PNKD: variants seen among roughly 807,000 people sequenced by gnomAD.
PNKD encodes PNKD metallo-beta-lactamase domain containing.
A neutral mutation model predicts 45.3 loss-of-function variants in PNKD; 36 were observed. The observed-to-expected ratio is 0.80, with a 90% CI of 0.61 to 1.05. The LOEUF (loss-of-function observed/expected upper bound fraction) is 1.05, where lower values mean the gene tolerates loss of function less well. Among genes scored for constraint, PNKD ranks in the 50% least tolerant of loss-of-function variants. The probability of loss-of-function intolerance (pLI) is 0.00; values close to 1 mark genes in which losing one functional copy is unlikely to be tolerated. For synonymous variants in PNKD, 197 were observed against 210.1 expected (o/e 0.94, Z 0.54); for missense variants, 511 against 506.6 (o/e 1.01, Z -0.08).
intron 2 of PNKD, among the ~76,000 whole-genome samples, chr2:218,302,460 G>A (rs780294920): frequency 5.3e-5 from 8 of 152,210 alleles, no homozygotes; most frequent in Non-Finnish European, 1.0e-4. Context: ...CAATGGTGCT[G>A]TGACCCTTCT....
intron 2 of PNKD, among the ~76,000 whole-genome samples, chr2:218,305,952 C>T (rs1175912543): frequency 6.6e-6 from 1 of 152,218 alleles, no homozygotes; most frequent in East Asian, 1.9e-4. Flanking sequence ...AGCTGCCAGA[C>T]TCCCTAGATT....
intron 7 of PNKD, 113 bp downstream of exon 7, chr2:218,342,257 T>A: frequency 1.2e-6 from 1 of 851,096 alleles, no homozygotes; most frequent in Non-Finnish European, 1.9e-6. Flanking sequence ...GATGTTGCCG[T>A]GGCAGTTACT....
intron 2 of PNKD, among the ~76,000 whole-genome samples, chr2:218,311,191 C>T (rs995566242): frequency 7.7e-4 from 117 of 152,316 alleles, no homozygotes; most frequent in African/African-American, 2.7e-3. Flanking sequence ...ATCTAATCAG[C>T]TGTGTGACCT....
intron 2 of PNKD, among the ~76,000 whole-genome samples, chr2:218,318,882 CA>C (rs1693892559): frequency 6.7e-6 from 1 of 148,686 alleles, no homozygotes; most frequent in Non-Finnish European, 1.5e-5. Flanking sequence ...GAGGGAGTAA[CA>C]TTTTTTCTTT....
intron 2 of PNKD, among the ~76,000 whole-genome samples, chr2:218,320,957 C>G (rs1693970370): frequency 6.6e-6 from 1 of 152,168 alleles, no homozygotes; most frequent in Admixed American, 6.5e-5. Context: ...GTTATGGCTC[C>G]CTGGGCCTGC....
In PNKD at chr2:218,340,033, G is replaced by A. The variant is rs1303377436; in HGVS notation, c.357G>A (p.Val119=). ...SKTQPRLFNG[V]KVLPIPVLSD... is the part of the protein sequence containing the mutation. ...ACAGCCCATCTCTGTCCCCAGGAGTGAAGGTGCTTCCCATCCCTGTCCTCT... is the reference window on the plus strand; with the variant it reads ...ACAGCCCATCTCTGTCCCCAGGAGTAAAGGTGCTTCCCATCCCTGTCCTCT... The change falls in exon 4 of 10, where the codon GTG becomes GTA. Residue 119 remains valine, a synonymous_variant. Coordinates refer to ENST00000273077, the MANE Select transcript of PNKD (RefSeq NM_015488.5). The surrounding 1 kb of genome is among the most constrained non-coding windows in gnomAD (Gnocchi z 4.2). The A allele has an allele frequency of 3.1e-6, 5 of 1,608,410 alleles. No individual in the cohort carries two copies. Among genetic ancestry groups the A allele is most frequent in the Non-Finnish European group, 4.3e-6 (5 of 1,175,006 alleles).
At chr2:218,334,655 A>C (rs934845794) in intron 2 of PNKD, 2 of 701,224 alleles carry the variant, frequency 2.9e-6, no homozygotes, top group African/African-American at 1.7e-5. Context: ...ACCCAAAAAA[A>C]GAATTATAGA....
chr2:218,299,431 C>T (rs531727096), intron 2 of PNKD, among the ~76,000 whole-genome samples: 48 of 151,914 alleles, frequency 3.2e-4, no homozygotes, highest in African/African-American at 1.0e-3. Context: ...CGTGAGCCAC[C>T]GCACCCGACC....
In PNKD at chr2:218,303,919, T is replaced by C. The variant is rs535911540; in HGVS notation, c.236+32370T>C. Among the ~76,000 whole-genome samples the C allele has an allele frequency of 2.6e-5, 4 of 152,122 alleles. No homozygotes were observed. The East Asian group carries it at 7.8e-4, about 30-fold the overall frequency. ...TCATTTGGCTGGTTTCCGTTTGCTC[T>C]CCACATCCCCCTCCGTCTTCTCCAC... On this transcript the variant is annotated intron_variant, in intron 2 of 9. Coordinates refer to ENST00000273077, the MANE Select transcript of PNKD (RefSeq NM_015488.5).
At chr2:218,332,790 G>A (rs1396423807) in intron 2 of PNKD, among the ~76,000 whole-genome samples, 4 of 151,980 alleles carry the variant, frequency 2.6e-5, no homozygotes, top group Admixed American at 2.0e-4. Context: ...CTCTCAGAAA[G>A]GGAGTCTGAT....
At chr2:218,280,565 C>G (rs1401452359) in intron 2 of PNKD, 2 of 228,760 alleles carry the variant, frequency 8.7e-6, no homozygotes, top group Non-Finnish European at 1.8e-5. Context: ...TCTGCATCAG[C>G]CTCACAGAGG....
chr2:218,309,020 A>G (rs1693512357), intron 2 of PNKD, among the ~76,000 whole-genome samples: 1 of 152,066 alleles, frequency 6.6e-6, no homozygotes, highest in South Asian at 2.1e-4. Flanking sequence ...CTTGACCTCC[A>G]GGATCAAGAG....
At chr2:218,285,404 T>C (rs1410546637) in intron 2 of PNKD, among the ~76,000 whole-genome samples, 2 of 152,154 alleles carry the variant, frequency 1.3e-5, no homozygotes, top group East Asian at 1.9e-4. Context: ...ATAGCTTCCA[T>C]CTAAAACCCT....
intron 2 of PNKD, among the ~76,000 whole-genome samples, chr2:218,330,531 G>A (rs1013645909): frequency 1.3e-5 from 2 of 152,226 alleles, no homozygotes; most frequent in Non-Finnish European, 2.9e-5. Flanking sequence ...TGCTGGTGCT[G>A]TCTGCAGCTG....
At chr2:218,278,584 G>A (rs748844169) in intron 2 of PNKD, 1 of 1,614,072 alleles carries the variant, frequency 6.2e-7, no homozygotes. Flanking sequence ...AAAGAGATGG[G>A]GAAGCAGTTC....
chr2:218,342,123 C>A lies in PNKD; in HGVS notation c.760C>A (p.Leu254Met). ...KGPSCLFSGDLLFLSGCGRTF... is the reference protein window; with the variant it reads ...KGPSCLFSGDMLFLSGCGRTF... ...TCCCTCCTGCCTCTTCTCAGGGGACCTGCTCTTCCTCTCTGGCTGTGGTGA... is the reference window on the plus strand; with the variant it reads ...TCCCTCCTGCCTCTTCTCAGGGGACATGCTCTTCCTCTCTGGCTGTGGTGA... Residue 254 changes from leucine (L) to methionine (M), a missense_variant, in exon 7 of 10, where the codon CTG (leucine) becomes ATG (methionine). Transcript: ENST00000273077. 1 of 1,613,612 alleles carries A rather than the reference C, an allele frequency of 6.2e-7. No homozygotes were observed.
intron 9 of PNKD, 33 bp from the exon 10 acceptor site, chr2:218,344,775 C>A: frequency 6.2e-7 from 1 of 1,608,402 alleles, no homozygotes; most frequent in South Asian, 1.1e-5. Flanking sequence ...TTCCCAGCTT[C>A]TCTCCACCAA....
At chr2:218,344,597 C>G in intron 9 of PNKD, 27 bp downstream of exon 9, 1 of 1,568,388 alleles carries the variant, frequency 6.4e-7, no homozygotes, top group Middle Eastern at 1.7e-4. Flanking sequence ...CCAGGAGGAG[C>G]TGTGTGGGCA....
chr2:218,294,758 G>A (rs988321370), intron 2 of PNKD, among the ~76,000 whole-genome samples: 4 of 152,186 alleles, frequency 2.6e-5, no homozygotes, highest in South Asian at 2.1e-4. Flanking sequence ...GATTATAGGC[G>A]TGAGCCACTG....
Sources: allele counts gnomAD v4.1 joint callset (sites outside exome capture counted in the v4.1 genomes callset), GRCh38; gene constraint gnomAD v4.1.1; non-coding constraint Gnocchi (gnomAD v3.1); transcripts MANE v1.5; gene names NCBI Gene and HGNC (gene_info 2026-07-23, HGNC 2026-07-21).